The following FAM120AOS variants were observed in gnomAD, a reference collection of about 807,000 sequenced individuals.
FAM120AOS encodes uncharacterized protein FAM120AOS.
In FAM120AOS, 15 loss-of-function variants were observed where a neutral mutation model predicts 20.2. That is an observed-to-expected ratio of 0.74 (90% CI 0.50 to 1.15). FAM120AOS has a LOEUF of 1.15. FAM120AOS is among the 50% of genes most tolerant of loss of function. FAM120AOS has a pLI of 0.00. For missense variants in FAM120AOS, 327 were observed against 351.9 expected, an observed-to-expected ratio of 0.93 and a Z score of 0.57; for synonymous variants, 154 against 154.0, an observed-to-expected ratio of 1.00 and a Z score of 0.00.
At position 93,452,922 on chromosome 9, in the gene FAM120AOS, A is replaced by G. The variant is rs1857340008; in HGVS notation, c.-213T>C. ...ATGTTGTTAGCCCGGTGACAGCGAG[A>G]CGTGTCTAAGGGCCAGTGCCCTGGC... On this transcript the variant is annotated 5_prime_UTR_variant, in exon 1 of 3. Transcript: ENST00000375412. The surrounding 1 kb of genome is among the most constrained non-coding windows in gnomAD (Gnocchi z 7.0). 7.0e-7 allele frequency: 1 copy of G among 1,425,002 alleles called. No individual in the cohort carries two copies. Among genetic ancestry groups the G allele is most frequent in the African/African-American group, 1.4e-5 (1 of 69,134 alleles). The allele number at this position is 1,425,002 out of a possible 1,614,324, so 88.3% of individuals were successfully genotyped here.
At chr9:93,451,521 GGCCTCCGCCTCCGCCGCC>G (rs1857192313) in intron 1 of FAM120AOS, 1 of 997,522 alleles carries the variant, frequency 1.0e-6, no homozygotes, top group African/African-American at 1.7e-5. Context: ...CCCAACTCCG[GGCCTCCGCCTCCGCCGCC>G]GCCTCCGGGA....
chr9:93,452,795 C>G lies in FAM120AOS; in HGVS notation c.-86G>C, dbSNP rs1412404893. ...AATTTAGCCTGTTCTTTCCCAGCAA[C>G]AGGTTCATCTTGGAAGCAGGCAGGA... On this transcript the variant is annotated 5_prime_UTR_variant, in exon 1 of 3. Transcript: ENST00000375412. This position sits in a 1 kb window ranked among gnomAD's most constrained non-coding sequence, Gnocchi z 7.0. 5.0e-6 allele frequency: 8 copies of G among 1,590,518 alleles called. No individual in the cohort carries two copies. The highest frequency in any genetic ancestry group is 1.1e-5 in the South Asian group (1 of 89,746).
intron 2 of FAM120AOS, among the ~76,000 whole-genome samples, chr9:93,448,914 C>T (rs1294295154): frequency 5.3e-5 from 8 of 152,110 alleles, no homozygotes; most frequent in East Asian, 3.9e-4. Context: ...TGAGCCACTG[C>T]GCCCGGCCCA....
chr9:93,450,173 G>C (rs1230271586), intron 2 of FAM120AOS, among the ~76,000 whole-genome samples: 10 of 152,042 alleles, frequency 6.6e-5, no homozygotes. Context: ...ATTTTTAGTA[G>C]AGACGGGGTT....
intron 1 of FAM120AOS, chr9:93,450,933 G>T (rs1857129236): frequency 7.8e-7 from 1 of 1,274,276 alleles, no homozygotes; most frequent in Non-Finnish European, 1.1e-6. Flanking sequence ...GCTTTCCCAC[G>T]CTGCAACAGA....
Position 93,447,446 on chromosome 9 carries a change from TG to T in FAM120AOS, c.*164del, listed in dbSNP as rs1856889464. Reference sequence around the variant, plus strand: ...TCACATTCAGATGTGTTAATAAAAGTGGATAAAGACCACTCTAGCTTTAAAA... The same window carrying T: ...TCACATTCAGATGTGTTAATAAAAGTGATAAAGACCACTCTAGCTTTAAAA... On this transcript the variant is annotated 3_prime_UTR_variant, in exon 3 of 3. Coordinates refer to ENST00000375412, the MANE Select transcript of FAM120AOS (RefSeq NM_198841.4). 1.6e-6 allele frequency: 1 copy of T among 636,680 alleles called. No individual in the cohort carries two copies. The highest frequency in any genetic ancestry group is 2.9e-5 in the Admixed American group (1 of 34,698). The allele number at this position is 636,680 out of a possible 1,614,324, so 39.4% of individuals were successfully genotyped here. A position where few individuals can be genotyped will look rare whatever the true frequency, so the allele number is the denominator to read the frequency against.
At position 93,453,274 on chromosome 9, in the gene FAM120AOS, G is replaced by A. The variant is rs758689295; in HGVS notation, c.-565C>T. ...GGGTAATCAGAGCTCTATATCACCG[G>A]CCTCCTCTGGCCCTTTGGCAGAGGG... On this transcript the variant is annotated 5_prime_UTR_variant, in exon 1 of 3. Coordinates refer to ENST00000375412, the MANE Select transcript of FAM120AOS (RefSeq NM_198841.4). The A allele has an allele frequency of 6.1e-6, 6 of 988,062 alleles. No homozygotes were observed. Among genetic ancestry groups the A allele is most frequent in the Non-Finnish European group, 7.2e-6 (6 of 831,892 alleles). 61.2% of individuals were successfully genotyped at this position (988,062 alleles called of 1,614,324 possible). A position where few individuals can be genotyped will look rare whatever the true frequency, so the allele number is the denominator to read the frequency against.
At position 93,453,546 on chromosome 9, in the gene FAM120AOS, C is replaced by G. The variant is rs1395500843; in HGVS notation, c.-837G>C. ...GTGAAATTCTGTCTTCGCGGTTGCC[C>G]CCACTGCCCGCGAGGAGATGGTGGT... On this transcript the variant is annotated 5_prime_UTR_variant, in exon 1 of 3. Coordinates refer to ENST00000375412, the MANE Select transcript of FAM120AOS (RefSeq NM_198841.4). 3 of 985,250 alleles carry G rather than the reference C, an allele frequency of 3.0e-6. No individual in the cohort carries two copies. In the African/African-American group the frequency reaches 5.2e-5, roughly 17 times the overall value. 61.0% of individuals were successfully genotyped at this position (985,250 alleles called of 1,614,324 possible). A position where few individuals can be genotyped will look rare whatever the true frequency, so the allele number is the denominator to read the frequency against.
At chr9:93,451,442 C>A in intron 1 of FAM120AOS, 4 of 1,236,026 alleles carry the variant, frequency 3.2e-6, no homozygotes, top group Non-Finnish European at 4.1e-6. Flanking sequence ...CGGCCTGAGG[C>A]GGGCGAACGG....
rs763507041 is a variant in FAM120AOS at position 93,450,557 on chromosome 9, G to C, written c.606C>G (p.Ala202=). 3.1e-6 allele frequency: 5 copies of C among 1,607,006 alleles called. No individual in the cohort carries two copies. In the Admixed American group the frequency reaches 6.8e-5, roughly 22 times the overall value. ...TCCATGTGCTGGGCAGCAGCTGTCC[G>C]GCCACAGCCTGTCGGTTGCATCCTG... ...RGAGCNRQAV[A]GQLLPSTWSL... Residue 202 remains alanine, a synonymous_variant, in exon 2 of 3, where the codon GCC becomes GCG. Transcript: ENST00000375412.
rs746486025 is a variant in FAM120AOS at position 93,447,580 on chromosome 9, C to G, written c.*31G>C. 2 of 1,599,906 alleles carry G rather than the reference C, an allele frequency of 1.3e-6. No individual in the cohort carries two copies. Among genetic ancestry groups the G allele is most frequent in the Non-Finnish European group, 8.6e-7 (1 of 1,168,156 alleles). On this transcript the variant is annotated 3_prime_UTR_variant, in exon 3 of 3. Coordinates refer to ENST00000375412, the MANE Select transcript of FAM120AOS (RefSeq NM_198841.4). Reference sequence around the variant, plus strand: ...GTATCAGGGTGGTTTCTTGTCCTTTCAATGCCTCTGCAGAACTTGACCCTA... The same window carrying G: ...GTATCAGGGTGGTTTCTTGTCCTTTGAATGCCTCTGCAGAACTTGACCCTA...
intron 1 of FAM120AOS, chr9:93,451,357 G>A: frequency 7.0e-7 from 1 of 1,424,556 alleles, no homozygotes; most frequent in Non-Finnish European, 9.2e-7. Flanking sequence ...CTTCGCCCGA[G>A]AACCACCGGG....
Position 93,452,682 on chromosome 9 carries a change from C to G in FAM120AOS, c.28G>C (p.Asp10His), listed in dbSNP as rs1363268158. 1.3e-6 allele frequency: 2 copies of G among 1,598,766 alleles called. No homozygotes were observed. The highest frequency in any genetic ancestry group is 3.3e-5 in the Admixed American group (2 of 60,024). MGKTKDIGD[D>H]DTVASEFWSG... ...CAGAATTCGGAGGCGACAGTGTCAT[C>G]ATCCCCAATATCCTTAGTTTTTCCC... is the stretch of plus-strand genomic sequence containing the variant. Residue 10 changes from aspartate (D) to histidine (H), a missense_variant, in exon 1 of 3, where the codon GAT becomes CAT. Coordinates refer to ENST00000375412, the MANE Select transcript of FAM120AOS (RefSeq NM_198841.4). The surrounding 1 kb of genome is among the most constrained non-coding windows in gnomAD (Gnocchi z 7.0).
rs749645011 is a variant in FAM120AOS at position 93,445,580 on chromosome 9, G to GTTTTT, written c.*2030_*2031insAAAAA. On this transcript the variant is annotated 3_prime_UTR_variant, in exon 3 of 3. Transcript: ENST00000375412. ...TGGTTCTCCAACTTTCATAAAAATCGTTGTTTTTTTTTTTTTTTTTTTTTT... is the reference window on the plus strand; with the variant it reads ...TGGTTCTCCAACTTTCATAAAAATCGTTTTTTTGTTTTTTTTTTTTTTTTTTTTTT... Among the ~76,000 whole-genome samples, 41 of 106,336 alleles carry GTTTTT rather than the reference G, an allele frequency of 3.9e-4. 2 individuals carry two copies. Among genetic ancestry groups the GTTTTT allele is most frequent in the African/African-American group, 8.9e-4 (25 of 28,142 alleles). The allele number at this position is 106,336 out of a possible 152,430, so 69.8% of individuals were successfully genotyped here.
At chr9:93,448,813 C>T (rs950765252) in intron 2 of FAM120AOS, among the ~76,000 whole-genome samples, 8 of 151,930 alleles carry the variant, frequency 5.3e-5, no homozygotes, top group Admixed American at 2.0e-4. Flanking sequence ...TTAGTAGAGA[C>T]GGAGTTTCAC....
In FAM120AOS at chr9:93,452,845, C is replaced by T. The variant is rs907785075; in HGVS notation, c.-136G>A. ...ATACAGAGTAATAGAGGGGGTTTCGCCAGAGCCCTTGGGGGCTGCAAATAT... is the reference window on the plus strand; with the variant it reads ...ATACAGAGTAATAGAGGGGGTTTCGTCAGAGCCCTTGGGGGCTGCAAATAT... On this transcript the variant is annotated 5_prime_UTR_variant, in exon 1 of 3. Coordinates refer to ENST00000375412, the MANE Select transcript of FAM120AOS (RefSeq NM_198841.4). The surrounding 1 kb of genome is among the most constrained non-coding windows in gnomAD (Gnocchi z 7.0). 2.4e-5 allele frequency: 37 copies of T among 1,513,488 alleles called. No homozygotes were observed. The highest frequency in any genetic ancestry group is 3.2e-5 in the Non-Finnish European group (36 of 1,139,642). 93.8% of individuals were successfully genotyped at this position (1,513,488 alleles called of 1,614,324 possible).
chr9:93,443,387 C>T lies in FAM120AOS; in HGVS notation c.*4224G>A, dbSNP rs1222429634. The stretch of plus-strand genomic sequence containing the variant: ...TACATTTCTAACAGTACAAGATTAT[C>T]AATGTTTTGACAATTTTCAAAAGAC... On this transcript the variant is annotated 3_prime_UTR_variant, in exon 3 of 3. Coordinates refer to ENST00000375412, the MANE Select transcript of FAM120AOS (RefSeq NM_198841.4). 2.6e-5 allele frequency among the ~76,000 whole-genome samples: 4 copies of T among 152,028 alleles called. No individual in the cohort carries two copies. Among genetic ancestry groups the T allele is most frequent in the Non-Finnish European group, 4.4e-5 (3 of 68,012 alleles).
chr9:93,452,918 C>T lies in FAM120AOS; in HGVS notation c.-209G>A, dbSNP rs1857339712. The T allele has an allele frequency of 7.0e-7, 1 of 1,426,138 alleles. No homozygotes were observed. Among genetic ancestry groups the T allele is most frequent in the Non-Finnish European group, 9.1e-7 (1 of 1,097,158 alleles). 88.3% of individuals were successfully genotyped at this position (1,426,138 alleles called of 1,614,324 possible). A position where few individuals can be genotyped will look rare whatever the true frequency, so the allele number is the denominator to read the frequency against. Reference sequence around the variant, plus strand: ...GCCAATGTTGTTAGCCCGGTGACAGCGAGACGTGTCTAAGGGCCAGTGCCC... The same window carrying T: ...GCCAATGTTGTTAGCCCGGTGACAGTGAGACGTGTCTAAGGGCCAGTGCCC... On this transcript the variant is annotated 5_prime_UTR_variant, in exon 1 of 3. Coordinates refer to ENST00000375412, the MANE Select transcript of FAM120AOS (RefSeq NM_198841.4). The surrounding 1 kb of genome is among the most constrained non-coding windows in gnomAD (Gnocchi z 7.0).
In FAM120AOS at chr9:93,443,705, G is replaced by A. The variant is rs923917126; in HGVS notation, c.*3906C>T. 6.6e-6 allele frequency among the ~76,000 whole-genome samples: 1 copy of A among 152,180 alleles called. No homozygotes were observed. Among genetic ancestry groups the A allele is most frequent in the East Asian group, 1.9e-4 (1 of 5,196 alleles). ...CTGTGTTGCCTGGGCTCTGTCTCTTGTATGTGCAGCTCTGGGCTGAGCACG... is the reference window on the plus strand; with the variant it reads ...CTGTGTTGCCTGGGCTCTGTCTCTTATATGTGCAGCTCTGGGCTGAGCACG... On this transcript the variant is annotated 3_prime_UTR_variant, in exon 3 of 3. Transcript: ENST00000375412.
Sources: gnomAD v4.1 joint callset for allele counts (sites outside exome capture counted in the v4.1 genomes callset) on GRCh38, gnomAD v4.1.1 for gene constraint, Gnocchi (gnomAD v3.1) non-coding constraint, MANE v1.5 for transcripts, NCBI Gene and HGNC (gene_info 2026-07-23, HGNC 2026-07-21) for gene names.